PLEKHH2: variants seen among roughly 807,000 people sequenced by gnomAD.
PLEKHH2 encodes pleckstrin homology domain-containing family H member 2.
PLEKHH2 carries 129 observed loss-of-function variants against 187.9 expected under a neutral mutation model. The ratio of observed to expected loss-of-function variants is 0.69; its 90% CI spans 0.59 to 0.79. The LOEUF is 0.79. PLEKHH2 is among the 30% of genes least tolerant of loss of function. The pLI, the probability that PLEKHH2 is intolerant of heterozygous loss-of-function variation, is 0.00. For missense variants in PLEKHH2, 2,076 were observed against 1,751.2 expected (o/e 1.19, Z -3.31); for synonymous variants, 686 against 605.6 (o/e 1.13, Z -1.95).
intron 24 of PLEKHH2, 43 bp downstream of exon 24, chr2:43,746,006 T>A (rs1414985529): frequency 7.8e-7 from 1 of 1,287,688 alleles, no homozygotes; most frequent in Non-Finnish European, 1.1e-6. Flanking sequence ...GAGTATACAA[T>A]ATGTTCTAAT....
At chr2:43,740,796 ATG>A in intron 20 of PLEKHH2, 148 bp from the exon 21 acceptor site, 1 of 1,306,392 alleles carries the variant, frequency 7.7e-7, no homozygotes, top group South Asian at 2.4e-5. Context: ...TTTTTAACCT[ATG>A]ATAAATGCTG....
chr2:43,695,900 A>T (rs949734144), intron 6 of PLEKHH2, among the ~76,000 whole-genome samples: 2 of 152,204 alleles, frequency 1.3e-5, no homozygotes, highest in African/African-American at 4.8e-5. Context: ...TGCTGAACAC[A>T]TTATTGAACT....
chr2:43,651,661 G>A (rs1007527875), intron 2 of PLEKHH2, among the ~76,000 whole-genome samples: 1 of 152,050 alleles, frequency 6.6e-6, no homozygotes, highest in African/African-American at 2.4e-5. Flanking sequence ...AGCACCTGTG[G>A]TTCAACTAAA....
intron 2 of PLEKHH2, among the ~76,000 whole-genome samples, chr2:43,653,860 G>T (rs1666608761): frequency 6.6e-6 from 1 of 152,170 alleles, no homozygotes; most frequent in Admixed American, 6.5e-5. Flanking sequence ...AAAGTAAACA[G>T]TTCTTTTACA....
At chr2:43,722,631 T>C (rs552283190) in intron 16 of PLEKHH2, among the ~76,000 whole-genome samples, 7 of 152,202 alleles carry the variant, frequency 4.6e-5, no homozygotes, top group Non-Finnish European at 8.8e-5. Context: ...TCTCTGTAAT[T>C]ATGAGATCTT....
At chr2:43,667,526 C>T (rs1667274552) in intron 2 of PLEKHH2, among the ~76,000 whole-genome samples, 1 of 152,090 alleles carries the variant, frequency 6.6e-6, no homozygotes, top group African/African-American at 2.4e-5. Flanking sequence ...AAGAGTGAAA[C>T]AACGCAAAAG....
chr2:43,706,073 T>G (rs1429257880), intron 9 of PLEKHH2, among the ~76,000 whole-genome samples: 1 of 152,198 alleles, frequency 6.6e-6, no homozygotes, highest in African/African-American at 2.4e-5. Context: ...AAGCTATGGT[T>G]CTTGCTCTCA....
chr2:43,666,262 TTGACTCGGAAAGGGAACTCCC>T (rs1172154259), intron 2 of PLEKHH2, among the ~76,000 whole-genome samples: 1 of 151,064 alleles, frequency 6.6e-6, no homozygotes, highest in Non-Finnish European at 1.5e-5. Flanking sequence ...ACCCCTTTCT[TTGACTCGGAAAGGGAACTCCC>T]TGACCCCTTG....
chr2:43,702,362 T>A (rs1287733486), intron 8 of PLEKHH2, among the ~76,000 whole-genome samples: 2 of 152,168 alleles, frequency 1.3e-5, no homozygotes, highest in Non-Finnish European at 2.9e-5. Context: ...AAATTTTGGA[T>A]AGCACAGGAA....
chr2:43,717,324 A>C (rs1670261391), intron 15 of PLEKHH2, among the ~76,000 whole-genome samples: 1 of 152,198 alleles, frequency 6.6e-6, no homozygotes, highest in African/African-American at 2.4e-5. Flanking sequence ...AGGCTGAGAC[A>C]GGAGAATCAC....
At chr2:43,718,678 A>T (rs538616278) in intron 15 of PLEKHH2, among the ~76,000 whole-genome samples, 306 of 152,332 alleles carry the variant, frequency 2.0e-3, no homozygotes, top group African/African-American at 7.0e-3. Context: ...AAGATAAATC[A>T]TTTCAGAAGT....
intron 24 of PLEKHH2, among the ~76,000 whole-genome samples, chr2:43,751,763 C>T (rs1672020053): frequency 6.6e-6 from 1 of 152,172 alleles, no homozygotes. Context: ...TCCTCTAGTG[C>T]CTTTCCTATT....
intron 11 of PLEKHH2, among the ~76,000 whole-genome samples, 192 bp from the exon 12 acceptor site, chr2:43,709,798 T>C (rs749756719): frequency 1.3e-4 from 20 of 152,164 alleles, no homozygotes; most frequent in Non-Finnish European, 2.4e-4. Flanking sequence ...ATTGTGCCAG[T>C]GCACTCCAGC....
intron 19 of PLEKHH2, among the ~76,000 whole-genome samples, chr2:43,737,154 C>T (rs1671333031): frequency 6.6e-6 from 1 of 152,082 alleles, no homozygotes; most frequent in South Asian, 2.1e-4. Context: ...TAAAACAGAC[C>T]TTGGAAGAAC....
rs773823497 is a variant in PLEKHH2, at chr2:43,720,732, C to T, written c.2524C>T (p.Arg842Trp). Residue 842 changes from arginine to tryptophan, a missense_variant, in exon 16 of 30, where the codon CGG becomes TGG. Physicochemically the swap from Arg to Trp is moderately radical, Grantham distance 101. Coordinates refer to ENST00000282406, the MANE Select transcript of PLEKHH2 (RefSeq NM_172069.4). ...AATAGGAAAGACATTATATTATTTT[C>T]GGAGTCAAGAAGATAAGGTATGTAT... Reference protein sequence around the residue: ...TLIGKTLYYFRSQEDKFPLGQ... With the variant: ...TLIGKTLYYFWSQEDKFPLGQ... 63 of 1,608,720 alleles carry T rather than the reference C, an allele frequency of 3.9e-5. No homozygotes were observed. The highest frequency in any genetic ancestry group is 1.7e-4 in the Middle Eastern group (1 of 6,054).
At chr2:43,718,535 C>T (rs1417309017) in intron 15 of PLEKHH2, among the ~76,000 whole-genome samples, 4 of 146,266 alleles carry the variant, frequency 2.7e-5, no homozygotes, top group African/African-American at 1.0e-4. Context: ...GAGACTCCGT[C>T]TCAAAAAAAA....
intron 2 of PLEKHH2, among the ~76,000 whole-genome samples, chr2:43,651,267 C>G (rs1666458222): frequency 6.6e-6 from 1 of 152,020 alleles, no homozygotes; most frequent in Non-Finnish European, 1.5e-5. Context: ...TAGGGTTTCA[C>G]TATCTTGGCC....
rs373064018 is a variant in PLEKHH2 at position 43,654,296 on chromosome 2, G to A, written c.123+9500G>A. 7.2e-5 allele frequency among the ~76,000 whole-genome samples: 11 copies of A among 152,222 alleles called. No homozygotes were observed. In the South Asian group the frequency reaches 2.3e-3, roughly 32 times the overall value. Reference sequence around the variant, plus strand: ...TGCAACCTCCACCTCCCCGGTTCAAGCGAGTCTCCTGCCTCAGCCTCCTGA... The same window carrying A: ...TGCAACCTCCACCTCCCCGGTTCAAACGAGTCTCCTGCCTCAGCCTCCTGA... On this transcript the variant is annotated intron_variant, in intron 2 of 29. Coordinates refer to ENST00000282406, the MANE Select transcript of PLEKHH2 (RefSeq NM_172069.4).
At chr2:43,718,353 C>T (rs12471076) in intron 15 of PLEKHH2, among the ~76,000 whole-genome samples, 20,114 of 151,958 alleles carry the variant, frequency 0.13, 1,875 homozygotes, top group African/African-American at 0.26. Context: ...TCCTGGCCAA[C>T]ATGGTGAAAC....
Sources: gnomAD v4.1 joint callset for allele counts (sites outside exome capture counted in the v4.1 genomes callset) on GRCh38, gnomAD v4.1.1 for gene constraint, MANE v1.5 for transcripts, NCBI Gene and HGNC (gene_info 2026-07-23, HGNC 2026-07-21) for gene names.